GATAD2B: variants seen among roughly 807,000 people sequenced by gnomAD.
GATAD2B encodes transcriptional repressor p66-beta.
In GATAD2B, 8 loss-of-function variants were observed where a neutral mutation model predicts 64.3. The ratio of observed to expected loss-of-function variants is 0.12; its 90% CI spans 0.07 to 0.22. The LOEUF is 0.22. Among genes scored for constraint, GATAD2B ranks in the 10% least tolerant of loss-of-function variants. The pLI is 1.00. For synonymous variants in GATAD2B, 281 were observed against 271.3 expected (o/e 1.04, Z -0.35); for missense variants, 453 against 752.0 (o/e 0.60, Z 4.65).
At chr1:153,903,596 A>G (rs926439013) in intron 1 of GATAD2B, among the ~76,000 whole-genome samples, 1 of 152,236 alleles carries the variant, frequency 6.6e-6, no homozygotes, top group Non-Finnish European at 1.5e-5. Flanking sequence ...GCAGAATTGT[A>G]AGCAACAGGA....
chr1:153,902,972 C>T (rs1677823912), intron 1 of GATAD2B, among the ~76,000 whole-genome samples: 1 of 152,124 alleles, frequency 6.6e-6, no homozygotes, highest in Admixed American at 6.6e-5. Context: ...AATCCCAGGA[C>T]TTGGGGAGGC....
chr1:153,870,554 C>CA (rs1424941496), intron 1 of GATAD2B, among the ~76,000 whole-genome samples: 1 of 152,066 alleles, frequency 6.6e-6, no homozygotes, highest in Admixed American at 6.6e-5. Context: ...GCCTGGGTGA[C>CA]AGAGCCAGAC....
chr1:153,817,926 G>T, intron 5 of GATAD2B, 114 bp downstream of exon 5: 1 of 875,042 alleles, frequency 1.1e-6, no homozygotes. Flanking sequence ...ACAATCAGTA[G>T]TAATAACACC....
chr1:153,855,898 G>C (rs759386637), intron 1 of GATAD2B, among the ~76,000 whole-genome samples: 2 of 151,974 alleles, frequency 1.3e-5, no homozygotes, highest in African/African-American at 2.4e-5. Flanking sequence ...GCCCAGGCTG[G>C]TCTCGAACTC....
Position 153,886,718 on chromosome 1 carries a change from A to AT in GATAD2B, c.-2+36014dup, listed in dbSNP as rs562067045. Among the ~76,000 whole-genome samples, 402 of 140,714 alleles carry AT rather than the reference A, an allele frequency of 2.9e-3. 1 individual carries two copies. The highest frequency in any genetic ancestry group is 3.5e-3 in the African/African-American group (134 of 38,520). The allele number at this position is 140,714 out of a possible 152,430, so 92.3% of individuals were successfully genotyped here. A position where few individuals can be genotyped will look rare whatever the true frequency, so the allele number is the denominator to read the frequency against. On this transcript the variant is annotated intron_variant, in intron 1 of 10. Transcript: ENST00000368655. ...AGGTGCCTGCCAACACGCCCGGCTAATTTTTTTTTTTTTCGTATTTTTAGT... is the reference window on the plus strand; with the variant it reads ...AGGTGCCTGCCAACACGCCCGGCTAATTTTTTTTTTTTTTCGTATTTTTAGT...
At chr1:153,836,511 A>G (rs952957797) in intron 1 of GATAD2B, among the ~76,000 whole-genome samples, 8 of 151,568 alleles carry the variant, frequency 5.3e-5, no homozygotes, top group African/African-American at 1.9e-4. Context: ...TTGGCCTCCC[A>G]AAGTGCTGGG....
intron 1 of GATAD2B, among the ~76,000 whole-genome samples, chr1:153,840,206 G>T (rs1302327239): frequency 1.3e-5 from 2 of 149,202 alleles, no homozygotes; most frequent in African/African-American, 2.5e-5. Flanking sequence ...CTAATTTTTT[G>T]TATTTTTAGT....
At chr1:153,843,392 T>C (rs2101903489) in intron 1 of GATAD2B, among the ~76,000 whole-genome samples, 1 of 152,128 alleles carries the variant, frequency 6.6e-6, no homozygotes, top group African/African-American at 2.4e-5. Context: ...ATTCCTGGCC[T>C]CATTGCACCC....
chr1:153,889,186 G>C (rs1309897744), intron 1 of GATAD2B, among the ~76,000 whole-genome samples: 1 of 151,830 alleles, frequency 6.6e-6, no homozygotes, highest in African/African-American at 2.4e-5. Flanking sequence ...GCCGGGTGTG[G>C]TGGCTCACCT....
chr1:153,874,866 C>T (rs1421259183), intron 1 of GATAD2B, among the ~76,000 whole-genome samples: 1 of 151,252 alleles, frequency 6.6e-6, no homozygotes, highest in Non-Finnish European at 1.5e-5. Context: ...TGTGAGCCAC[C>T]ACATCCAGCC....
At position 153,818,415 on chromosome 1, in the gene GATAD2B, C is replaced by T. The variant is rs1423131641; in HGVS notation, c.598-244G>A. Among the ~76,000 whole-genome samples, 5 of 150,914 alleles carry T rather than the reference C, an allele frequency of 3.3e-5. No homozygotes were observed. In the South Asian group the frequency reaches 8.4e-4, roughly 25 times the overall value. ...CTGCAAGCTCCACCTCCCGGGTTCACGCCATTCTCCTGCCTCAGCCTCCCG... is the reference window on the plus strand; with the variant it reads ...CTGCAAGCTCCACCTCCCGGGTTCATGCCATTCTCCTGCCTCAGCCTCCCG... On this transcript the variant is annotated intron_variant, in intron 4 of 10. Transcript: ENST00000368655.
chr1:153,847,682 C>A (rs1209089745), intron 1 of GATAD2B, among the ~76,000 whole-genome samples: 1 of 151,830 alleles, frequency 6.6e-6, no homozygotes, highest in African/African-American at 2.4e-5. Context: ...AAATTTTCTG[C>A]TATTATCTCT....
intron 1 of GATAD2B, among the ~76,000 whole-genome samples, chr1:153,836,346 G>A (rs893730514): frequency 6.6e-6 from 1 of 150,566 alleles, no homozygotes; most frequent in African/African-American, 2.4e-5. Flanking sequence ...AGCCTCCCAG[G>A]TTCAAGTGAT....
chr1:153,838,556 C>T (rs529506586), intron 1 of GATAD2B, among the ~76,000 whole-genome samples: 1 of 151,902 alleles, frequency 6.6e-6, no homozygotes, highest in Admixed American at 6.6e-5. Context: ...GTCTGGAGTA[C>T]AGTGGTGCAA....
chr1:153,922,209 G>A (rs1250503153), intron 1 of GATAD2B, among the ~76,000 whole-genome samples: 1 of 151,226 alleles, frequency 6.6e-6, no homozygotes, highest in Non-Finnish European at 1.5e-5. Context: ...TTCCCCATTC[G>A]TCCCATCCGC....
intron 1 of GATAD2B, among the ~76,000 whole-genome samples, chr1:153,920,989 C>A (rs533544928): frequency 7.9e-5 from 12 of 152,270 alleles, no homozygotes; most frequent in African/African-American, 2.6e-4. Flanking sequence ...AAAAGCAGCA[C>A]GATCCAACAA....
At chr1:153,903,250 G>A (rs1368706085) in intron 1 of GATAD2B, among the ~76,000 whole-genome samples, 1 of 151,656 alleles carries the variant, frequency 6.6e-6, no homozygotes, top group African/African-American at 2.4e-5. Context: ...AAAGTAAGCA[G>A]CTCTGACAAG....
chr1:153,898,319 AAAAAGAAAAAAAGAAAAAAGAAAAAC>A (rs1422151149), intron 1 of GATAD2B, among the ~76,000 whole-genome samples: 3,036 of 150,150 alleles, frequency 0.02, 97 homozygotes, highest in African/African-American at 0.069. Flanking sequence ...AAAAAAAAAA[AAAAAGAAAAAAAGAAAAAAGAAAAAC>A]AAAAACAAAA....
intron 1 of GATAD2B, among the ~76,000 whole-genome samples, chr1:153,884,169 A>G (rs1677094311): frequency 6.6e-6 from 1 of 151,244 alleles, no homozygotes; most frequent in South Asian, 2.1e-4. Flanking sequence ...TTGCAGGCAC[A>G]GTGGCTCATG....
Sources: gnomAD v4.1 joint callset for allele counts (sites outside exome capture counted in the v4.1 genomes callset) on GRCh38, gnomAD v4.1.1 for gene constraint, MANE v1.5 for transcripts, NCBI Gene and HGNC (gene_info 2026-07-23, HGNC 2026-07-21) for gene names.